The following STEAP1B variants were observed in gnomAD, a reference collection of about 807,000 sequenced individuals.
STEAP1B encodes STEAP family protein MGC87042.
STEAP1B carries 13 observed loss-of-function variants against 27.9 expected under a neutral mutation model. That is an observed-to-expected ratio of 0.47 (90% CI 0.30 to 0.74). The LOEUF (loss-of-function observed/expected upper bound fraction) is 0.74, where lower values mean the gene tolerates loss of function less well. Ranked by LOEUF, STEAP1B falls within the 30% of genes least tolerant of loss-of-function variation. STEAP1B has a pLI of 0.06. For synonymous variants in STEAP1B, 86 were observed against 107.1 expected, an observed-to-expected ratio of 0.80 and a Z score of 1.22; for missense variants, 250 against 298.7, an observed-to-expected ratio of 0.84 and a Z score of 1.20.
At chr7:22,456,970 A>ATTTTTTTTTTTTTTTT (rs1457986338) in intron 4 of STEAP1B, among the ~76,000 whole-genome samples, 1 of 26,160 alleles carries the variant, frequency 3.8e-5, no homozygotes, top group Non-Finnish European at 8.6e-5. Flanking sequence ...ATATATATAT[A>ATTTTTTTTTTTTTTTT]TATTTTTTTT....
At chr7:22,480,931 T>C (rs951480019) in intron 4 of STEAP1B, among the ~76,000 whole-genome samples, 1 of 152,184 alleles carries the variant, frequency 6.6e-6, no homozygotes, top group Non-Finnish European at 1.5e-5. Context: ...TCTTTCACAG[T>C]GCATGCCTTG....
At chr7:22,463,929 T>C (rs1215246784) in intron 4 of STEAP1B, among the ~76,000 whole-genome samples, 3 of 151,394 alleles carry the variant, frequency 2.0e-5, no homozygotes. Flanking sequence ...CCAAAAGCAA[T>C]GGCAACAAAA....
intron 1 of STEAP1B, among the ~76,000 whole-genome samples, chr7:22,495,141 G>C (rs1786417321): frequency 1.3e-5 from 2 of 152,164 alleles, no homozygotes; most frequent in Non-Finnish European, 1.5e-5. Flanking sequence ...TGCCTGTATG[G>C]ATTACAAAGG....
At chr7:22,454,297 C>T (rs1261143878) in intron 4 of STEAP1B, among the ~76,000 whole-genome samples, 9 of 152,236 alleles carry the variant, frequency 5.9e-5, no homozygotes, top group South Asian at 2.1e-4. Flanking sequence ...CCTTTTACTC[C>T]GCCAGTTCAA....
At chr7:22,472,860 T>C (rs1204852109) in intron 4 of STEAP1B, among the ~76,000 whole-genome samples, 1 of 152,176 alleles carries the variant, frequency 6.6e-6, no homozygotes, top group African/African-American at 2.4e-5. Flanking sequence ...GAGATTTACG[T>C]CTGACTTGCT....
At chr7:22,478,069 A>C (rs1786003869) in intron 4 of STEAP1B, among the ~76,000 whole-genome samples, 1 of 152,176 alleles carries the variant, frequency 6.6e-6, no homozygotes. Flanking sequence ...GGGCGGCCTG[A>C]GAGTGGGGTG....
chr7:22,484,625 A>G (rs1298795232), intron 4 of STEAP1B, among the ~76,000 whole-genome samples: 1 of 152,220 alleles, frequency 6.6e-6, no homozygotes, highest in African/African-American at 2.4e-5. Flanking sequence ...CCCATAAATC[A>G]AGGAGTCATT....
chr7:22,438,418 T>A, intron 4 of STEAP1B: 1 of 1,468,772 alleles, frequency 6.8e-7, no homozygotes, highest in Non-Finnish European at 9.0e-7. Context: ...ACTTCCAGCT[T>A]CTACCATGGT....
At chr7:22,499,962 C>G (rs6461649) in intron 1 of STEAP1B, among the ~76,000 whole-genome samples, 152 bp downstream of exon 1, 144,103 of 152,272 alleles carry the variant, frequency 0.95, 68,227 homozygotes, top group East Asian at 0.99. Flanking sequence ...GAATTGAGCA[C>G]CGCTCGCCCA....
intron 4 of STEAP1B, among the ~76,000 whole-genome samples, chr7:22,462,295 T>C (rs1232543915): frequency 3.3e-5 from 5 of 150,442 alleles, no homozygotes; most frequent in African/African-American, 1.2e-4. Flanking sequence ...GTTAGTTACA[T>C]ATGTATACAT....
At chr7:22,497,487 G>C (rs1786462084) in intron 1 of STEAP1B, among the ~76,000 whole-genome samples, 1 of 152,148 alleles carries the variant, frequency 6.6e-6, no homozygotes, top group Non-Finnish European at 1.5e-5. Context: ...GTTTAAGTTA[G>C]TGTGATTTGG....
intron 4 of STEAP1B, among the ~76,000 whole-genome samples, chr7:22,430,252 A>G (rs1332299535): frequency 6.6e-6 from 1 of 152,198 alleles, no homozygotes; most frequent in Non-Finnish European, 1.5e-5. Flanking sequence ...TCACCTGCCT[A>G]TTGGAAAATA....
chr7:22,444,968 C>T (rs1380113410), intron 4 of STEAP1B, among the ~76,000 whole-genome samples: 1 of 152,160 alleles, frequency 6.6e-6, no homozygotes, highest in African/African-American at 2.4e-5. Flanking sequence ...GGTCTGTCCG[C>T]GTGGCACAAG....
rs181291392 is a variant in STEAP1B at position 22,467,574 on chromosome 7, G to C, written c.762+24991C>G. 1.2e-4 allele frequency among the ~76,000 whole-genome samples: 19 copies of C among 152,252 alleles called. No homozygotes were observed. The East Asian group carries it at 3.7e-3, about 29-fold the overall frequency. On this transcript the variant is annotated intron_variant, in intron 4 of 4. Transcript: ENST00000678116. ...CCAGTGGGAGATAATTGAATTTTGG[G>C]GGCGATTCCCCCCATACTGTTCTTG...
intron 4 of STEAP1B, among the ~76,000 whole-genome samples, chr7:22,442,102 T>G (rs906349641): frequency 6.6e-6 from 1 of 152,178 alleles, no homozygotes; most frequent in Non-Finnish European, 1.5e-5. Context: ...TGTAAGTACT[T>G]GTGGAATGAA....
chr7:22,419,855 GAAA>G lies in STEAP1B; in HGVS notation c.763-22_763-20del. ...CATGTACCTGGAAGGCAGACAGCAA[GAAA>G]GAGTTGATGTATAGAAGTAGTGACT... On this transcript the variant is annotated intron_variant, in intron 4 of 4. Transcript: ENST00000678116. 1 of 1,549,240 alleles carries G rather than the reference GAAA, an allele frequency of 6.5e-7. No individual in the cohort carries two copies.
At chr7:22,470,451 A>C (rs1785861564) in intron 4 of STEAP1B, among the ~76,000 whole-genome samples, 1 of 152,214 alleles carries the variant, frequency 6.6e-6, no homozygotes, top group African/African-American at 2.4e-5. Context: ...AAGAATTCCA[A>C]TTGACAAATG....
chr7:22,448,926 G>T (rs1469393655), intron 4 of STEAP1B, among the ~76,000 whole-genome samples: 1 of 152,198 alleles, frequency 6.6e-6, no homozygotes, highest in African/African-American at 2.4e-5. Context: ...AGTTAGACAT[G>T]CCAAGCATTG....
At chr7:22,465,389 C>T (rs1490538511) in intron 4 of STEAP1B, among the ~76,000 whole-genome samples, 2 of 152,090 alleles carry the variant, frequency 1.3e-5, no homozygotes, top group African/African-American at 4.8e-5. Context: ...TTTTTAAAAA[C>T]TTGTAAATTT....
Sources: gnomAD v4.1 joint callset for allele counts (sites outside exome capture counted in the v4.1 genomes callset) on GRCh38, gnomAD v4.1.1 for gene constraint, MANE v1.5 for transcripts, NCBI Gene and HGNC (gene_info 2026-07-23, HGNC 2026-07-21) for gene names.